KIF1A: variants seen among roughly 807,000 people sequenced by gnomAD.
KIF1A encodes the protein kinesin family member 1A, also known as kinesin-like protein KIF1A.
A neutral mutation model predicts 227.3 loss-of-function variants in KIF1A; 46 were observed. That is an observed-to-expected ratio of 0.20 (90% CI 0.16 to 0.26). The LOEUF is 0.26. Among genes scored for constraint, KIF1A ranks in the 10% least tolerant of loss-of-function variants. The pLI, the probability that KIF1A is intolerant of heterozygous loss-of-function variation, is 1.00. For synonymous variants in KIF1A, 1,022 were observed against 1,012.8 expected, an observed-to-expected ratio of 1.01 and a Z score of -0.17; for missense variants, 1,683 against 2,485.9, an observed-to-expected ratio of 0.68 and a Z score of 6.87.
At position 240,741,255 on chromosome 2, in the gene KIF1A, G is replaced by T; in HGVS notation, c.3749+14C>A. 1 of 1,562,178 alleles carries T rather than the reference G, an allele frequency of 6.4e-7. No individual in the cohort carries two copies. On this transcript the variant is annotated intron_variant, in intron 35 of 48. Transcript: ENST00000498729. ...ACACACTCACGCCCTGGGGGCCCCA[G>T]CACCAGCACTCACTCGCCGTTGGCC...
chr2:240,812,780 T>G (rs1272239928), intron 1 of KIF1A, among the ~76,000 whole-genome samples: 2 of 150,166 alleles, frequency 1.3e-5, no homozygotes, highest in Admixed American at 6.6e-5. Context: ...GGATCTGCCT[T>G]CACCTCTGGG....
intron 27 of KIF1A, among the ~76,000 whole-genome samples, chr2:240,753,962 C>T (rs993586422): frequency 6.6e-6 from 1 of 152,190 alleles, no homozygotes; most frequent in African/African-American, 2.4e-5. Flanking sequence ...ATGGGCACCT[C>T]CTCACCCACT....
At chr2:240,762,075 C>T (rs912649691) in intron 23 of KIF1A, among the ~76,000 whole-genome samples, 2 of 152,252 alleles carry the variant, frequency 1.3e-5, no homozygotes, top group African/African-American at 4.8e-5. Flanking sequence ...CAATCTGGCA[C>T]GCCTGAGCTT....
chr2:240,732,852 T>C (rs1241336841), intron 38 of KIF1A, among the ~76,000 whole-genome samples: 1 of 80,734 alleles, frequency 1.2e-5, no homozygotes, highest in Non-Finnish European at 2.3e-5. Context: ...GATAAGGGGA[T>C]GAGGGTATGA....
chr2:240,786,421 C>T lies in KIF1A; in HGVS notation c.522G>A (p.Leu174=). 1 of 1,613,674 alleles carries T rather than the reference C, an allele frequency of 6.2e-7. No homozygotes were observed. Among genetic ancestry groups the T allele is most frequent in the Non-Finnish European group, 8.5e-7 (1 of 1,179,776 alleles). The change falls in exon 6 of 49, where the codon CTG becomes CTA. Residue 174 remains leucine (L), a synonymous_variant. Transcript: ENST00000498729. ...GNLRVREHPL[L]GPYVEDLSKL... Reference sequence around the variant, plus strand: ...TGGAGAGGTCCTCCACGTAGGGCCCCAGCAGTGGGTGCTCCCTCACGCGAA... The same window carrying T: ...TGGAGAGGTCCTCCACGTAGGGCCCTAGCAGTGGGTGCTCCCTCACGCGAA...
chr2:240,735,038 G>A (rs1416727500), intron 38 of KIF1A, among the ~76,000 whole-genome samples: 1 of 152,200 alleles, frequency 6.6e-6, no homozygotes, highest in Admixed American at 6.5e-5. Flanking sequence ...CACCGTCCAT[G>A]GCACAGGAAG....
At chr2:240,724,061 T>C (rs753056875) in intron 40 of KIF1A, 25 bp from the exon 41 acceptor site, 16 of 1,605,640 alleles carry the variant, frequency 1.0e-5, no homozygotes, top group Admixed American at 1.7e-5. Context: ...AGGAGTGACA[T>C]GCAGTCACCA....
At chr2:240,749,461 G>A (rs1024269776) in intron 28 of KIF1A, among the ~76,000 whole-genome samples, 1 of 152,182 alleles carries the variant, frequency 6.6e-6, no homozygotes, top group Non-Finnish European at 1.5e-5. Flanking sequence ...CTGTCTGTGT[G>A]TCTGTCTGTC....
In KIF1A at chr2:240,718,292, C is replaced by T. The variant is rs534047925; in HGVS notation, c.5215-124G>A. On this transcript the variant is annotated intron_variant, in intron 47 of 48. Coordinates refer to ENST00000498729, the MANE Select transcript of KIF1A (RefSeq NM_001244008.2). Reference sequence around the variant, plus strand: ...CCAGGAAAGTCCCAGGGAGGGGACACGGAGGGGACAAAGAGGGGAAGGCTG... The same window carrying T: ...CCAGGAAAGTCCCAGGGAGGGGACATGGAGGGGACAAAGAGGGGAAGGCTG... The T allele has an allele frequency of 3.2e-4, 233 of 732,290 alleles. 2 individuals are homozygous for T. In the East Asian group the frequency reaches 5.9e-3, roughly 18 times the overall value. 45.4% of individuals were successfully genotyped at this position (732,290 alleles called of 1,614,324 possible).
chr2:240,788,041 C>CCCCTAGTT lies in KIF1A; in HGVS notation c.363+9_363+10insAACTAGGG. ...GCCAGGGCTGCCCCCGCCCGCCCCC[C>CCCCTAGTT]GCTTCGTGCCTGTGGGATGATGCCC... On this transcript the variant is annotated intron_variant, in intron 4 of 48. Transcript: ENST00000498729. This position sits in a 1 kb window ranked among gnomAD's most constrained non-coding sequence, Gnocchi z 6.6. 1 of 1,520,686 alleles carries CCCCTAGTT rather than the reference C, an allele frequency of 6.6e-7. No homozygotes were observed. The highest frequency in any genetic ancestry group is 8.9e-7 in the Non-Finnish European group (1 of 1,121,318). 94.2% of individuals were successfully genotyped at this position (1,520,686 alleles called of 1,614,324 possible).
intron 10 of KIF1A, chr2:240,781,736 T>TCCCACACAGTTCCCCACACAGTTC (rs543782207): frequency 4.0e-5 from 39 of 983,770 alleles, no homozygotes; most frequent in African/African-American, 3.5e-4. Flanking sequence ...CCTCTCCCGT[T>TCCCACACAGTTCCCCACACAGTTC]CCCACACAGT....
intron 38 of KIF1A, among the ~76,000 whole-genome samples, chr2:240,727,157 G>A (rs939775277): frequency 2.6e-5 from 4 of 152,228 alleles, no homozygotes; most frequent in African/African-American, 9.6e-5. Flanking sequence ...CGATGAGGGT[G>A]AGCCCAGCAT....
At chr2:240,722,334 G>GCTC in intron 43 of KIF1A, 122 bp downstream of exon 43, 6 of 917,288 alleles carry the variant, frequency 6.5e-6, no homozygotes, top group Non-Finnish European at 9.7e-6. Flanking sequence ...CAAGCTCCTA[G>GCTC]CTCCTGGTGG....
At chr2:240,783,177 G>T in intron 8 of KIF1A, 68 bp from the exon 9 acceptor site, 2 of 1,225,110 alleles carry the variant, frequency 1.6e-6, no homozygotes, top group Non-Finnish European at 2.4e-6. Context: ...CTGGAGGGAT[G>T]CCCTGGGTGG....
In KIF1A at chr2:240,786,518, A is replaced by G. The variant is rs2054765514; in HGVS notation, c.430-5T>C. The G allele has an allele frequency of 1.2e-6, 2 of 1,612,350 alleles. No individual in the cohort carries two copies. The highest frequency in any genetic ancestry group is 1.7e-5 in the Admixed American group (1 of 59,942). The stretch of plus-strand genomic sequence containing the variant: ...GTAAATCTCCATGTAGCTGACCTGC[A>G]GGGCAGAGCCAGGCCATCAGGGGCC... On this transcript the variant is annotated splice_region_variant and splice_polypyrimidine_tract_variant and intron_variant, in intron 5 of 48. Coordinates refer to ENST00000498729, the MANE Select transcript of KIF1A (RefSeq NM_001244008.2).
intron 14 of KIF1A, 137 bp downstream of exon 14, chr2:240,772,433 C>A (rs998650194): frequency 2.7e-5 from 19 of 709,868 alleles, no homozygotes; most frequent in Non-Finnish European, 4.6e-5. Context: ...GAGAGCAGTG[C>A]TTTCTGCCCC....
In KIF1A at chr2:240,725,383, C is replaced by T. The variant is rs2045893727; in HGVS notation, c.4144G>A (p.Ala1382Thr). Residue 1382 changes from alanine to threonine, a missense_variant, in exon 40 of 49, where the codon GCT becomes ACT. By Grantham distance (58) the Ala-to-Thr change is moderately conservative. Transcript: ENST00000498729. The surrounding 1 kb of genome is among the most constrained non-coding windows in gnomAD (Gnocchi z 5.8). The part of the protein sequence containing the change: ...YIEMENCTQP[A>T]VVTKDFCMVF... ...ATGCAGAAGTCCTTGGTGACAACAG[C>T]CGGCTGGGTGCAGTTCTCCATCTGA... 2 of 1,612,378 alleles carry T rather than the reference C, an allele frequency of 1.2e-6. No homozygotes were observed. The highest frequency in any genetic ancestry group is 8.5e-7 in the Non-Finnish European group (1 of 1,179,708).
chr2:240,740,920 AC>A lies in KIF1A; in HGVS notation c.3749+348del, dbSNP rs2047882533. Among the ~76,000 whole-genome samples, 1 of 147,208 alleles carries A rather than the reference AC, an allele frequency of 6.8e-6. No individual in the cohort carries two copies. Among genetic ancestry groups the A allele is most frequent in the African/African-American group, 2.5e-5 (1 of 39,420 alleles). On this transcript the variant is annotated intron_variant, in intron 35 of 48. Coordinates refer to ENST00000498729, the MANE Select transcript of KIF1A (RefSeq NM_001244008.2). The surrounding 1 kb of genome is among the most constrained non-coding windows in gnomAD (Gnocchi z 6.1). ...CCCAGGGCCTCAGGGCTCCCCTCCC[AC>A]CTCCCTCAAAAGTCCCTTGATCACT...
At chr2:240,797,601 C>T (rs1160448612) in intron 2 of KIF1A, 46 bp downstream of exon 2, 1 of 1,387,800 alleles carries the variant, frequency 7.2e-7, no homozygotes. Flanking sequence ...ACCATGGCCC[C>T]CAGCAACCCA....
Sources: gnomAD v4.1 joint callset for allele counts (sites outside exome capture counted in the v4.1 genomes callset) on GRCh38, gnomAD v4.1.1 for gene constraint, Gnocchi (gnomAD v3.1) non-coding constraint, MANE v1.5 for transcripts, NCBI Gene and HGNC (gene_info 2026-07-23, HGNC 2026-07-21) for gene names.